The following TMEM131L variants were observed in gnomAD, a reference collection of about 807,000 sequenced individuals.
The protein encoded by TMEM131L is transmembrane 131 like.
Under a neutral mutation model 192.2 loss-of-function variants are expected in TMEM131L, and 54 were observed. The ratio of observed to expected loss-of-function variants is 0.28; its 90% CI spans 0.23 to 0.35. The LOEUF is 0.35. Among genes scored for constraint, TMEM131L ranks in the 10% least tolerant of loss-of-function variants. The pLI, the probability that TMEM131L is intolerant of heterozygous loss-of-function variation, is 1.00. For missense variants in TMEM131L, 1,888 were observed against 1,972.9 expected (o/e 0.96, Z 0.82); for synonymous variants, 701 against 704.9 (o/e 0.99, Z 0.09).
At chr4:153,528,808 G>A (rs902814884) in intron 3 of TMEM131L, among the ~76,000 whole-genome samples, 3 of 152,130 alleles carry the variant, frequency 2.0e-5, no homozygotes, top group South Asian at 2.1e-4. Context: ...CCCCTCCCTC[G>A]GAGAGTGTGG....
chr4:153,555,864 T>C lies in TMEM131L; in HGVS notation c.386T>C (p.Val129Ala), dbSNP rs1433015517. Residue 129 changes from valine to alanine, a missense_variant, in exon 5 of 35, where the codon GTG becomes GCG. Val to Ala is a moderately conservative substitution (Grantham distance 64). Transcript: ENST00000409959. This position sits in a 1 kb window ranked among gnomAD's most constrained non-coding sequence, Gnocchi z 4.1. ...GACAGCGAGGTTGTGGTGAATTCAG[T>C]GTTTGCAGCTGCTGGACATTTCCAT... is the stretch of plus-strand genomic sequence containing the variant. ...SRDSEVVVNS[V>A]FAAAGHFHVP... The C allele has an allele frequency of 6.4e-7, 1 of 1,551,486 alleles. No individual in the cohort carries two copies. The highest frequency in any genetic ancestry group is 8.7e-7 in the Non-Finnish European group (1 of 1,146,954).
At chr4:153,634,008 A>T (rs1276988668) in intron 32 of TMEM131L, among the ~76,000 whole-genome samples, 184 bp from the exon 33 acceptor site, 1 of 152,234 alleles carries the variant, frequency 6.6e-6, no homozygotes, top group African/African-American at 2.4e-5. Context: ...TGCAGATGGC[A>T]TGTCACTAGT....
At chr4:153,593,317 G>A (rs1197963409) in intron 18 of TMEM131L, among the ~76,000 whole-genome samples, 2 of 152,072 alleles carry the variant, frequency 1.3e-5, no homozygotes, top group East Asian at 3.8e-4. Flanking sequence ...TGTTTGGTGG[G>A]GGTGGGAGGA....
intron 32 of TMEM131L, 138 bp from the exon 33 acceptor site, chr4:153,634,054 G>A: frequency 1.4e-6 from 1 of 715,902 alleles, no homozygotes; most frequent in South Asian, 1.7e-5. Flanking sequence ...TCTGTGACTT[G>A]AGAAAGTACA....
chr4:153,550,516 C>T (rs974835017), intron 4 of TMEM131L, among the ~76,000 whole-genome samples: 21 of 152,198 alleles, frequency 1.4e-4, no homozygotes, highest in African/African-American at 3.6e-4. Flanking sequence ...TTAGTAGAGA[C>T]GGGGTTTCAC....
chr4:153,517,075 T>A (rs1185309486), intron 3 of TMEM131L, among the ~76,000 whole-genome samples: 1 of 152,174 alleles, frequency 6.6e-6, no homozygotes, highest in African/African-American at 2.4e-5. Context: ...TCCACCCACC[T>A]CGGCCTCCCG....
intron 3 of TMEM131L, among the ~76,000 whole-genome samples, chr4:153,535,846 TA>T (rs773080322): frequency 2.0e-5 from 3 of 152,340 alleles, no homozygotes; most frequent in South Asian, 4.1e-4. Context: ...TTCCTTTGTA[TA>T]TTTTTTTTAG....
chr4:153,568,294 C>T (rs1300086580), intron 7 of TMEM131L, among the ~76,000 whole-genome samples: 2 of 152,044 alleles, frequency 1.3e-5, no homozygotes, highest in African/African-American at 4.8e-5. Flanking sequence ...CCTCCCCTCA[C>T]TTTTGTTTCA....
intron 3 of TMEM131L, among the ~76,000 whole-genome samples, chr4:153,484,628 C>T (rs1207190644): frequency 6.7e-6 from 1 of 149,918 alleles, no homozygotes; most frequent in Non-Finnish European, 1.5e-5. Context: ...GCCACCACGC[C>T]CAGCTAATTT....
chr4:153,566,616 A>G (rs904962691), intron 7 of TMEM131L, among the ~76,000 whole-genome samples: 6 of 151,998 alleles, frequency 3.9e-5, no homozygotes, highest in African/African-American at 1.4e-4. Context: ...TTTTGGGATT[A>G]TCAGAAGGTA....
chr4:153,509,475 C>G (rs1406207020), intron 3 of TMEM131L, among the ~76,000 whole-genome samples: 2 of 152,114 alleles, frequency 1.3e-5, no homozygotes, highest in African/African-American at 4.8e-5. Context: ...GCCTGTAATC[C>G]CAGCACTTTA....
chr4:153,601,418 T>G (rs1159910412), intron 21 of TMEM131L, among the ~76,000 whole-genome samples: 2 of 151,912 alleles, frequency 1.3e-5, no homozygotes, highest in African/African-American at 4.8e-5. Flanking sequence ...TCCTAGCTAC[T>G]TGGGAGGCTA....
At chr4:153,539,191 A>C (rs1468964622) in intron 3 of TMEM131L, among the ~76,000 whole-genome samples, 1 of 152,208 alleles carries the variant, frequency 6.6e-6, no homozygotes, top group Non-Finnish European at 1.5e-5. Context: ...GCGGAAAAAA[A>C]CCCAACAAAA....
At chr4:153,598,933 T>C (rs1331037807) in intron 21 of TMEM131L, among the ~76,000 whole-genome samples, 2 of 152,216 alleles carry the variant, frequency 1.3e-5, no homozygotes, top group Non-Finnish European at 2.9e-5. Context: ...ATTAGAGTGG[T>C]ATCTTTAGAT....
chr4:153,608,408 A>T (rs538236286), intron 25 of TMEM131L, among the ~76,000 whole-genome samples: 6 of 152,194 alleles, frequency 3.9e-5, no homozygotes, highest in Non-Finnish European at 7.3e-5. Context: ...TGATCTTGTG[A>T]ATATAGCTCT....
chr4:153,573,979 A>G (rs913989811), intron 7 of TMEM131L, among the ~76,000 whole-genome samples: 1 of 152,204 alleles, frequency 6.6e-6, no homozygotes, highest in Admixed American at 6.5e-5. Context: ...AGTGGTTTGC[A>G]TATGTATCTC....
intron 3 of TMEM131L, among the ~76,000 whole-genome samples, chr4:153,540,927 A>G (rs1362701849): frequency 1.3e-5 from 2 of 152,108 alleles, no homozygotes; most frequent in Non-Finnish European, 2.9e-5. Flanking sequence ...TTTTTTATGT[A>G]TAGTGTCTGG....
chr4:153,581,517 T>C lies in TMEM131L; in HGVS notation c.849T>C (p.His283=), dbSNP rs1730342440. ...AAAACACACAACATTTGTTAGATCA[T>C]CTCTCTATTGTTTACGTAGCTACAG... ...FEENTQHLLD[H]LSIVYVATDE... Residue 283 remains histidine (H), a synonymous_variant, in exon 9 of 35, where the codon CAT becomes CAC. Transcript: ENST00000409959. 6.2e-7 allele frequency: 1 copy of C among 1,601,030 alleles called. No individual in the cohort carries two copies.
intron 25 of TMEM131L, among the ~76,000 whole-genome samples, chr4:153,611,680 C>G (rs1468491610): frequency 2.0e-5 from 3 of 152,154 alleles, no homozygotes; most frequent in Non-Finnish European, 4.4e-5. Flanking sequence ...CTTTCTGTCT[C>G]TATGAATTCG....
Sources: gnomAD v4.1 joint callset for allele counts (sites outside exome capture counted in the v4.1 genomes callset) on GRCh38, gnomAD v4.1.1 for gene constraint, Gnocchi (gnomAD v3.1) non-coding constraint, MANE v1.5 for transcripts, NCBI Gene and HGNC (gene_info 2026-07-23, HGNC 2026-07-21) for gene names.